The following LRRC4C variants were observed in gnomAD, a reference collection of about 807,000 sequenced individuals.
The protein encoded by LRRC4C is leucine-rich repeat-containing protein 4C.
In LRRC4C, 5 loss-of-function variants were observed where a neutral mutation model predicts 33.6. That is an observed-to-expected ratio of 0.15 (90% CI 0.08 to 0.31). The LOEUF is 0.31. Among genes scored for constraint, LRRC4C ranks in the 10% least tolerant of loss-of-function variants. The pLI, the probability that LRRC4C is intolerant of heterozygous loss-of-function variation, is 1.00. For synonymous variants in LRRC4C, 329 were observed against 302.0 expected (o/e 1.09, Z -0.93); for missense variants, 560 against 796.7 (o/e 0.70, Z 3.58).
chr11:41,057,830 T>G (rs530877611), intron 1 of LRRC4C, among the ~76,000 whole-genome samples: 1 of 152,252 alleles, frequency 6.6e-6, no homozygotes, highest in East Asian at 1.9e-4. Flanking sequence ...CCGTCTCTGC[T>G]CTGCTGATAG....
Position 40,536,972 on chromosome 11 carries a change from T to G in LRRC4C, c.-270+111170A>C, listed in dbSNP as rs538742603. 7.2e-5 allele frequency among the ~76,000 whole-genome samples: 11 copies of G among 152,306 alleles called. No individual in the cohort carries two copies. In the East Asian group the frequency reaches 2.1e-3, roughly 29 times the overall value. ...GAGCAGGAATTTTGGTCTGTTTTGT[T>G]CACTGCTCTAACATCAACAACTGCA... On this transcript the variant is annotated intron_variant, in intron 3 of 6. Coordinates refer to ENST00000528697, the MANE Select transcript of LRRC4C (RefSeq NM_001258419.2).
intron 4 of LRRC4C, among the ~76,000 whole-genome samples, chr11:40,261,149 T>C (rs1187972552): frequency 1.3e-5 from 2 of 152,134 alleles, no homozygotes; most frequent in African/African-American, 4.8e-5. Context: ...ATTATAGGCA[T>C]GAGTCTGGGA....
intron 4 of LRRC4C, among the ~76,000 whole-genome samples, chr11:40,284,437 T>C (rs1051856484): frequency 6.6e-6 from 1 of 152,234 alleles, no homozygotes; most frequent in Non-Finnish European, 1.5e-5. Context: ...AGTAATAGAC[T>C]ATCTGAGGAA....
intron 3 of LRRC4C, among the ~76,000 whole-genome samples, chr11:40,560,723 G>T (rs983719447): frequency 6.6e-6 from 1 of 152,208 alleles, no homozygotes; most frequent in Non-Finnish European, 1.5e-5. Flanking sequence ...CATTCTGAAA[G>T]TTCAGAGATG....
At chr11:40,965,479 T>C (rs1478280969) in intron 1 of LRRC4C, among the ~76,000 whole-genome samples, 1 of 152,190 alleles carries the variant, frequency 6.6e-6, no homozygotes, top group Non-Finnish European at 1.5e-5. Context: ...TTAGGTTTTC[T>C]TCTAGGGTTT....
chr11:40,805,878 A>G (rs935294581), intron 2 of LRRC4C, among the ~76,000 whole-genome samples: 6 of 152,144 alleles, frequency 3.9e-5, no homozygotes, highest in African/African-American at 1.4e-4. Flanking sequence ...ATAGGGTTTC[A>G]TAATGTTCAT....
At chr11:41,051,189 T>C (rs966331817) in intron 1 of LRRC4C, among the ~76,000 whole-genome samples, 9 of 152,212 alleles carry the variant, frequency 5.9e-5, no homozygotes, top group Non-Finnish European at 1.3e-4. Flanking sequence ...TCTGCTGTTC[T>C]GTCACATAAA....
chr11:40,339,774 A>G (rs1234983859), intron 3 of LRRC4C, among the ~76,000 whole-genome samples: 1 of 152,170 alleles, frequency 6.6e-6, no homozygotes, highest in Non-Finnish European at 1.5e-5. Context: ...GGGCAGTTGA[A>G]AAGACCTTAT....
intron 3 of LRRC4C, among the ~76,000 whole-genome samples, chr11:40,607,892 C>G (rs1023087141): frequency 6.6e-6 from 1 of 152,054 alleles, no homozygotes; most frequent in Non-Finnish European, 1.5e-5. Flanking sequence ...TTGGTGCCCA[C>G]GGTCCCCAAG....
At chr11:40,339,104 A>G (rs1199855719) in intron 3 of LRRC4C, among the ~76,000 whole-genome samples, 1 of 152,218 alleles carries the variant, frequency 6.6e-6, no homozygotes, top group African/African-American at 2.4e-5. Flanking sequence ...GTTTCGGCAC[A>G]CTGGATTTCT....
Position 40,290,108 on chromosome 11 carries a change from G to A in LRRC4C, c.-176+29520C>T, listed in dbSNP as rs1590922409. Among the ~76,000 whole-genome samples the A allele has an allele frequency of 2.6e-5, 4 of 151,986 alleles. No homozygotes were observed. The South Asian group carries it at 8.3e-4, about 32-fold the overall frequency. On this transcript the variant is annotated intron_variant, in intron 4 of 6. Transcript: ENST00000528697. ...CAGACCCAACCTAGTTTCAAGGCTG[G>A]GGTTCCCATGTGAAGCCAGGAACTC...
chr11:41,213,098 G>A (rs1304153480), intron 1 of LRRC4C, among the ~76,000 whole-genome samples: 1 of 152,182 alleles, frequency 6.6e-6, no homozygotes, highest in Admixed American at 6.5e-5. Flanking sequence ...AATAGTGCTA[G>A]AATAGGGGCA....
At chr11:41,076,333 C>T (rs972067062) in intron 1 of LRRC4C, among the ~76,000 whole-genome samples, 3 of 152,176 alleles carry the variant, frequency 2.0e-5, no homozygotes, top group African/African-American at 7.2e-5. Flanking sequence ...TCCATCCTCA[C>T]AATGCTATAA....
At chr11:41,375,406 C>T (rs895668272) in intron 1 of LRRC4C, among the ~76,000 whole-genome samples, 5 of 151,918 alleles carry the variant, frequency 3.3e-5, no homozygotes, top group African/African-American at 1.2e-4. Context: ...TAGACTGAAC[C>T]GCTGTTAGTA....
intron 3 of LRRC4C, among the ~76,000 whole-genome samples, chr11:40,557,797 A>C (rs10768610): frequency 0.44 from 66,725 of 151,906 alleles, 15,109 homozygotes; most frequent in East Asian, 0.67. Flanking sequence ...AAAGCAGAGA[A>C]GTGAATCCTA....
intron 3 of LRRC4C, among the ~76,000 whole-genome samples, chr11:40,372,733 A>T (rs1948503111): frequency 6.6e-6 from 1 of 152,092 alleles, no homozygotes; most frequent in African/African-American, 2.4e-5. Context: ...TGTTATCAGG[A>T]AGGGCAGTGA....
chr11:41,405,700 A>G lies in LRRC4C; in HGVS notation c.-496+53731T>C, dbSNP rs183281659. Among the ~76,000 whole-genome samples the G allele has an allele frequency of 5.9e-3, 896 of 152,282 alleles. 8 individuals are homozygous for G. The highest frequency in any genetic ancestry group is 0.021 in the African/African-American group (864 of 41,582). The stretch of plus-strand genomic sequence containing the variant: ...ATCATCATCAAGGACAGGAACAAGA[A>G]AAAGGAAGAATCTATCATTTTGGAT... On this transcript the variant is annotated intron_variant, in intron 1 of 6. Coordinates refer to ENST00000528697, the MANE Select transcript of LRRC4C (RefSeq NM_001258419.2).
intron 3 of LRRC4C, among the ~76,000 whole-genome samples, chr11:40,525,592 A>G (rs927274676): frequency 2.0e-4 from 30 of 152,320 alleles, no homozygotes; most frequent in African/African-American, 5.8e-4. Flanking sequence ...ACTGAAAACC[A>G]TGATTGAAAT....
rs143717764 is a variant in LRRC4C at position 40,901,237 on chromosome 11, T to G, written c.-407+32398A>C. Among the ~76,000 whole-genome samples, 224 of 152,242 alleles carry G rather than the reference T, an allele frequency of 1.5e-3. 2 individuals carry two copies. Among genetic ancestry groups the G allele is most frequent in the African/African-American group, 5.3e-3 (220 of 41,574 alleles). On this transcript the variant is annotated intron_variant, in intron 2 of 6. Coordinates refer to ENST00000528697, the MANE Select transcript of LRRC4C (RefSeq NM_001258419.2). ...TCCTGGTAAGGACACATGCACTGTCTATGTCATACTCTTGAATATGTTTAA... is the reference window on the plus strand; with the variant it reads ...TCCTGGTAAGGACACATGCACTGTCGATGTCATACTCTTGAATATGTTTAA...
Sources: gnomAD v4.1 joint callset for allele counts (sites outside exome capture counted in the v4.1 genomes callset) on GRCh38, gnomAD v4.1.1 for gene constraint, MANE v1.5 for transcripts, NCBI Gene and HGNC (gene_info 2026-07-23, HGNC 2026-07-21) for gene names.